Variants in DDB2 observed in about 807,000 individuals in gnomAD.
DDB2 encodes the protein DNA damage-binding protein 2.
A neutral mutation model predicts 50.5 loss-of-function variants in DDB2; 27 were observed. The ratio of observed to expected loss-of-function variants is 0.53; its 90% CI spans 0.39 to 0.74. The LOEUF is 0.74. Ranked by LOEUF, DDB2 falls within the 30% of genes least tolerant of loss-of-function variation. DDB2 has a pLI of 0.00. For synonymous variants in DDB2, 176 were observed against 205.5 expected, an observed-to-expected ratio of 0.86 and a Z score of 1.23; for missense variants, 424 against 545.6, an observed-to-expected ratio of 0.78 and a Z score of 2.22.
chr11:47,218,770 G>T (rs1041193748), intron 3 of DDB2, among the ~76,000 whole-genome samples: 2 of 151,950 alleles, frequency 1.3e-5, no homozygotes, highest in Admixed American at 6.6e-5. Context: ...ATGTATGGTG[G>T]TAGGGTCAGG....
At chr11:47,228,231 C>T (rs1953588078) in intron 3 of DDB2, among the ~76,000 whole-genome samples, 1 of 149,372 alleles carries the variant, frequency 6.7e-6, no homozygotes, top group South Asian at 2.1e-4. Context: ...TGCACCACTG[C>T]AGTCCAGCCT....
Position 47,234,675 on chromosome 11 carries a change from G to A in DDB2, c.702+3G>A. On this transcript the variant is annotated splice_donor_region_variant and intron_variant, in intron 5 of 9. Transcript: ENST00000256996. Reference sequence around the variant, plus strand: ...TGCTGAACATGGACGGCAAAGAGGTGCGTTCTCCGAGGTCCTGCCTTTCCC... The same window carrying A: ...TGCTGAACATGGACGGCAAAGAGGTACGTTCTCCGAGGTCCTGCCTTTCCC... 1 of 1,614,064 alleles carries A rather than the reference G, an allele frequency of 6.2e-7. No homozygotes were observed. Among genetic ancestry groups the A allele is most frequent in the South Asian group, 1.1e-5 (1 of 91,076 alleles).
chr11:47,237,794 ATGTTC>A (rs1174470146), intron 7 of DDB2, 38 bp from the exon 8 acceptor site: 1 of 1,603,024 alleles, frequency 6.2e-7, no homozygotes, highest in Non-Finnish European at 8.5e-7. Context: ...CCCCTTGATC[ATGTTC>A]TGTGTTTACC....
At chr11:47,237,597 A>T (rs1291166009) in intron 7 of DDB2, 10 of 416,410 alleles carry the variant, frequency 2.4e-5, no homozygotes, top group Non-Finnish European at 3.6e-5. Flanking sequence ...CGCCCAGCTA[A>T]TTTTTTTTTT....
chr11:47,226,247 A>G (rs954121934), intron 3 of DDB2, among the ~76,000 whole-genome samples: 2 of 150,030 alleles, frequency 1.3e-5, no homozygotes, highest in African/African-American at 2.4e-5. Context: ...AAATGTCCCA[A>G]CTTCTCTACT....
intron 7 of DDB2, chr11:47,237,589 C>A: frequency 2.3e-6 from 1 of 437,906 alleles, no homozygotes; most frequent in Non-Finnish European, 4.3e-6. Flanking sequence ...TACCACCACG[C>A]CCAGCTAATT....
At chr11:47,223,568 CAA>C (rs1461302845) in intron 3 of DDB2, among the ~76,000 whole-genome samples, 3 of 152,028 alleles carry the variant, frequency 2.0e-5, no homozygotes, top group Non-Finnish European at 2.9e-5. Flanking sequence ...ATCACGAGAT[CAA>C]GAGATTGAGA....
intron 9 of DDB2, 142 bp downstream of exon 9, chr11:47,238,325 CTA>C: frequency 1.3e-6 from 1 of 781,238 alleles, no homozygotes. Flanking sequence ...ACAGTGGTCT[CTA>C]TAGCCAAGGC....
intron 7 of DDB2, among the ~76,000 whole-genome samples, chr11:47,236,894 T>C (rs1226143797): frequency 1.3e-5 from 2 of 152,222 alleles, no homozygotes; most frequent in African/African-American, 4.8e-5. Context: ...TGTGTGTGAT[T>C]TGTGACTTAT....
At chr11:47,226,734 C>CTTTTTT (rs542832519) in intron 3 of DDB2, among the ~76,000 whole-genome samples, 2 of 124,656 alleles carry the variant, frequency 1.6e-5, no homozygotes, top group South Asian at 2.5e-4. Flanking sequence ...AGTCCTTTGC[C>CTTTTTT]TTTTTTTTTT....
At chr11:47,215,717 A>G (rs959449455) in intron 1 of DDB2, 1 of 270,970 alleles carries the variant, frequency 3.7e-6, no homozygotes, top group East Asian at 9.8e-5. Context: ...CGAGACACTC[A>G]AAAACGAGCT....
intron 4 of DDB2, 116 bp downstream of exon 4, chr11:47,233,075 C>T: frequency 8.2e-7 from 1 of 1,214,930 alleles, no homozygotes; most frequent in Non-Finnish European, 1.2e-6. Flanking sequence ...GGAAAGATGT[C>T]AGCCACTTTC....
intron 3 of DDB2, among the ~76,000 whole-genome samples, chr11:47,228,075 G>A (rs1459719057): frequency 6.6e-6 from 1 of 150,410 alleles, no homozygotes; most frequent in Non-Finnish European, 1.5e-5. Flanking sequence ...GGGAAGTGGA[G>A]GTTGCAGTGA....
chr11:47,219,304 A>C (rs1229366641), intron 3 of DDB2, among the ~76,000 whole-genome samples: 1 of 152,228 alleles, frequency 6.6e-6, no homozygotes, highest in Non-Finnish European at 1.5e-5. Flanking sequence ...TAACCATTTT[A>C]AAGTGCACAG....
intron 6 of DDB2, 56 bp downstream of exon 6, chr11:47,234,990 G>A (rs1227033258): frequency 2.5e-6 from 4 of 1,595,142 alleles, no homozygotes; most frequent in Admixed American, 3.4e-5. Context: ...GACCACTGCT[G>A]GGGTTTTCCC....
At chr11:47,216,628 A>G (rs576196809) in intron 2 of DDB2, among the ~76,000 whole-genome samples, 156 bp downstream of exon 2, 3 of 152,320 alleles carry the variant, frequency 2.0e-5, no homozygotes, top group African/African-American at 7.2e-5. Context: ...CAGCCAGGTA[A>G]AAAATGTCTT....
chr11:47,237,149 G>C (rs1001044620), intron 7 of DDB2, among the ~76,000 whole-genome samples: 4 of 152,184 alleles, frequency 2.6e-5, no homozygotes. Flanking sequence ...GGCTCCTCCA[G>C]AACTCAAGTC....
rs773628645 is a variant in DDB2 at position 47,234,753 on chromosome 11, G to A, written c.703-4G>A. ...CCCCACCTGAACCGAGCTCTTCTCT[G>A]CAGCTTTGGAATCTCAGAATGCACA... On this transcript the variant is annotated splice_region_variant and splice_polypyrimidine_tract_variant and intron_variant, in intron 5 of 9. Coordinates refer to ENST00000256996, the MANE Select transcript of DDB2 (RefSeq NM_000107.3). The A allele has an allele frequency of 1.9e-5, 31 of 1,614,002 alleles. No individual in the cohort carries two copies. In the South Asian group the frequency reaches 3.4e-4, roughly 18 times the overall value.
intron 3 of DDB2, among the ~76,000 whole-genome samples, chr11:47,231,624 G>A (rs891600470): frequency 2.0e-5 from 3 of 152,078 alleles, no homozygotes; most frequent in Admixed American, 6.6e-5. Context: ...CCAGGCTTCC[G>A]TCATCTTCCC....
Sources: allele counts gnomAD v4.1 joint callset (sites outside exome capture counted in the v4.1 genomes callset), GRCh38; gene constraint gnomAD v4.1.1; transcripts MANE v1.5; gene names NCBI Gene and HGNC (gene_info 2026-07-23, HGNC 2026-07-21).